Variants in PPP1R13L observed in about 807,000 individuals in gnomAD.
The protein encoded by PPP1R13L is protein phosphatase 1 regulatory subunit 13 like.
In PPP1R13L, 50 loss-of-function variants were observed where a neutral mutation model predicts 80.9. That is an observed-to-expected ratio of 0.62 (90% CI 0.49 to 0.78). The LOEUF (loss-of-function observed/expected upper bound fraction) is 0.78, where lower values mean the gene tolerates loss of function less well. Among genes scored for constraint, PPP1R13L ranks in the 30% least tolerant of loss-of-function variants. PPP1R13L has a pLI of 0.00. For synonymous variants in PPP1R13L, 602 were observed against 534.3 expected (o/e 1.13, Z -1.75); for missense variants, 1,200 against 1,205.9 (o/e 1.00, Z 0.07).
Position 45,391,895 on chromosome 19 carries a change from C to CTCTGGTG in PPP1R13L, c.1793_1799dup (p.Glu600AspfsTer146). 1 of 1,484,864 alleles carries CTCTGGTG rather than the reference C, an allele frequency of 6.7e-7. No individual in the cohort carries two copies. Among genetic ancestry groups the CTCTGGTG allele is most frequent in the Non-Finnish European group, 8.9e-7 (1 of 1,121,516 alleles). 92.0% of individuals were successfully genotyped at this position (1,484,864 alleles called of 1,614,324 possible). Reference sequence around the variant, plus strand: ...TATTACTTACCATGCTCTGCGGCTGCTCTGGTGGGCTGCTCTGGGACGGGG... The same window carrying CTCTGGTG: ...TATTACTTACCATGCTCTGCGGCTGCTCTGGTGTCTGGTGGGCTGCTCTGGGACGGGG... On this transcript the variant is annotated frameshift_variant, in exon 8 of 13. Transcript: ENST00000360957. LOFTEE classifies it high-confidence loss of function.
rs1488351275 is a variant in PPP1R13L, at chr19:45,392,478, C to T, written c.1355-138G>A. 3.1e-5 allele frequency: 27 copies of T among 870,984 alleles called. No homozygotes were observed. In the Admixed American group the frequency reaches 4.0e-4, roughly 13 times the overall value. 54.0% of individuals were successfully genotyped at this position (870,984 alleles called of 1,614,324 possible). On this transcript the variant is annotated intron_variant, in intron 7 of 12. Transcript: ENST00000360957. ...GAAGTTCCTTGCCCTCTCTGGGCTA[C>T]ACTTTCCTTGGGCTGTGAATAATAT...
intron 11 of PPP1R13L, among the ~76,000 whole-genome samples, chr19:45,383,292 C>CTT (rs1568553288): frequency 8.7e-5 from 10 of 114,308 alleles, no homozygotes; most frequent in African/African-American, 4.1e-4. Flanking sequence ...CCGCGCCCGG[C>CTT]CTTTTTTTTT....
At position 45,379,959 on chromosome 19, in the gene PPP1R13L, C is replaced by T. The variant is rs759631053; in HGVS notation, c.*231G>A. 1 of 458,474 alleles carries T rather than the reference C, an allele frequency of 2.2e-6. No individual in the cohort carries two copies. The highest frequency in any genetic ancestry group is 2.0e-5 in the African/African-American group (1 of 49,978). The allele number at this position is 458,474 out of a possible 1,614,324, so 28.4% of individuals were successfully genotyped here. Reference sequence around the variant, plus strand: ...GGCAAAAGGAAGTGGTTTCCTGTCCCCAGTGATTTCCAGCCCTTCCCAGAC... The same window carrying T: ...GGCAAAAGGAAGTGGTTTCCTGTCCTCAGTGATTTCCAGCCCTTCCCAGAC... On this transcript the variant is annotated 3_prime_UTR_variant, in exon 13 of 13. Coordinates refer to ENST00000360957, the MANE Select transcript of PPP1R13L (RefSeq NM_006663.4).
At chr19:45,393,854 C>A (rs1006589726) in intron 7 of PPP1R13L, among the ~76,000 whole-genome samples, 1 of 151,678 alleles carries the variant, frequency 6.6e-6, no homozygotes, top group Admixed American at 6.6e-5. Flanking sequence ...GAAGAAAGAG[C>A]GAGACTCTGT....
At chr19:45,385,780 TCCGCCCACGGGG>T in intron 10 of PPP1R13L, 32 bp downstream of exon 10, 2 of 1,607,708 alleles carry the variant, frequency 1.2e-6, no homozygotes. Context: ...AGGCTGCGCG[TCCGCCCACGGGG>T]GACCCAGCCC....
At chr19:45,385,525 C>G (rs368397668) in intron 11 of PPP1R13L, 37 bp downstream of exon 11, 1 of 1,579,384 alleles carries the variant, frequency 6.3e-7, no homozygotes, top group African/African-American at 1.3e-5. Flanking sequence ...CCTGCGCACC[C>G]GCCAGGTACC....
chr19:45,403,800 C>T (rs1286006686), intron 1 of PPP1R13L, among the ~76,000 whole-genome samples: 2 of 152,152 alleles, frequency 1.3e-5, no homozygotes, highest in African/African-American at 4.8e-5. Context: ...TCATCAGATG[C>T]TCGCCTCCCC....
chr19:45,395,163 C>A, intron 7 of PPP1R13L: 1 of 473,350 alleles, frequency 2.1e-6, no homozygotes, highest in Non-Finnish European at 3.8e-6. Context: ...CCCTTTTACA[C>A]TCAAGAAAAT....
In PPP1R13L at chr19:45,396,811, G is replaced by A; in HGVS notation, c.446C>T (p.Ala149Val). The change falls in exon 4 of 13, where the codon GCA becomes GTA. Residue 149 changes from alanine to valine, a missense_variant. Ala to Val is a moderately conservative substitution (Grantham distance 64). This residue lies in a region of PPP1R13L where 764 missense variants were observed against 714.5 expected (regional missense o/e 1.07). Transcript: ENST00000360957. The surrounding 1 kb of genome is among the most constrained non-coding windows in gnomAD (Gnocchi z 5.3). Reference sequence around the variant, plus strand: ...GGGCGCACGGCCGAGGGAGCTGCCTGCGCCATCGAAGGCGCGGGGCCGGGG... The same window carrying A: ...GGGCGCACGGCCGAGGGAGCTGCCTACGCCATCGAAGGCGCGGGGCCGGGG... ...TSPRPRAFDG[A>V]GSSLGRAPSP... 7.0e-7 allele frequency: 1 copy of A among 1,435,926 alleles called. No homozygotes were observed. The highest frequency in any genetic ancestry group is 1.4e-5 in the South Asian group (1 of 70,060). 88.9% of individuals were successfully genotyped at this position (1,435,926 alleles called of 1,614,324 possible). A position where few individuals can be genotyped will look rare whatever the true frequency, so the allele number is the denominator to read the frequency against.
chr19:45,392,561 C>A, intron 7 of PPP1R13L: 1 of 651,742 alleles, frequency 1.5e-6, no homozygotes. Flanking sequence ...GCTTTACATG[C>A]CTACCTTATT....
At chr19:45,393,155 CTGCA>C (rs1229590727) in intron 7 of PPP1R13L, 2 of 151,732 alleles carry the variant, frequency 1.3e-5, no homozygotes, top group African/African-American at 4.9e-5. Context: ...CACTGCACCA[CTGCA>C]CTCCAGCCTG....
At chr19:45,385,796 C>T (rs892634170) in intron 10 of PPP1R13L, 28 bp downstream of exon 10, 11 of 1,609,300 alleles carry the variant, frequency 6.8e-6, no homozygotes, top group Admixed American at 1.7e-5. Flanking sequence ...CACGGGGGAC[C>T]CAGCCCACCG....
chr19:45,396,782 G>A lies in PPP1R13L; in HGVS notation c.475C>T (p.Pro159Ser). 4 of 1,358,558 alleles carry A rather than the reference G, an allele frequency of 2.9e-6. No homozygotes were observed. Among genetic ancestry groups the A allele is most frequent in the Non-Finnish European group, 3.8e-6 (4 of 1,065,804 alleles). The allele number at this position is 1,358,558 out of a possible 1,614,324, so 84.2% of individuals were successfully genotyped here. A position where few individuals can be genotyped will look rare whatever the true frequency, so the allele number is the denominator to read the frequency against. ...AGSSLGRAPS[P>S]RPGPGPLRQQ... ...CGGAGCGGGCCTGGCCCGGGCCGCG[G>A]GGAGGGCGCACGGCCGAGGGAGCTG... Residue 159 changes from proline (P) to serine (S), a missense_variant, in exon 4 of 13, where the codon CCG (proline) becomes TCG (serine). Pro to Ser is a moderately conservative substitution (Grantham distance 74). Around this residue, in one of 5 missense-constraint regions of PPP1R13L, gnomAD observed 764 missense variants for 714.5 expected, o/e 1.07. Transcript: ENST00000360957. This position sits in a 1 kb window ranked among gnomAD's most constrained non-coding sequence, Gnocchi z 5.3.
intron 8 of PPP1R13L, among the ~76,000 whole-genome samples, chr19:45,390,177 G>C (rs535934360): frequency 6.6e-6 from 1 of 152,046 alleles, no homozygotes; most frequent in Non-Finnish European, 1.5e-5. Flanking sequence ...TGCAACCTCC[G>C]CCTTCCGGGT....
At chr19:45,389,525 C>A (rs890077756) in intron 8 of PPP1R13L, among the ~76,000 whole-genome samples, 1 of 152,050 alleles carries the variant, frequency 6.6e-6, no homozygotes, top group African/African-American at 2.4e-5. Context: ...TGTATTTAAT[C>A]TTGGCGGGGT....
Position 45,399,428 on chromosome 19 carries a change from T to G in PPP1R13L, c.-21-1089A>C, listed in dbSNP as rs1020497938. ...TCACGAGGTCAGGAGAGCGAGACCA[T>G]CCTGGCTAACATGGTGAAACCCCGT... On this transcript the variant is annotated intron_variant, in intron 1 of 12. Coordinates refer to ENST00000360957, the MANE Select transcript of PPP1R13L (RefSeq NM_006663.4). Among the ~76,000 whole-genome samples the G allele has an allele frequency of 4.9e-5, 7 of 143,986 alleles. No individual in the cohort carries two copies. The South Asian group carries it at 6.8e-4, about 14-fold the overall frequency. The allele number at this position is 143,986 out of a possible 152,430, so 94.5% of individuals were successfully genotyped here. A position where few individuals can be genotyped will look rare whatever the true frequency, so the allele number is the denominator to read the frequency against.
At position 45,385,933 on chromosome 19, in the gene PPP1R13L, C is replaced by T; in HGVS notation, c.1972G>A (p.Glu658Lys). ...TTGTGCAAGGCAGTGATGCCCTCCT[C>T]GTTGGGCTGGCTCGGGTCGTTCATC... Reference protein sequence around the residue: ...KEMNDPSQPNEEGITALHNAI... With the variant: ...KEMNDPSQPNKEGITALHNAI... The change falls in exon 10 of 13, where the codon GAG becomes AAG. Residue 658 changes from glutamate (E) to lysine (K), a missense_variant. Coordinates refer to ENST00000360957, the MANE Select transcript of PPP1R13L (RefSeq NM_006663.4). The T allele has an allele frequency of 1.2e-6, 2 of 1,612,472 alleles. No individual in the cohort carries two copies. The highest frequency in any genetic ancestry group is 1.7e-6 in the Non-Finnish European group (2 of 1,179,436).
intron 12 of PPP1R13L, among the ~76,000 whole-genome samples, chr19:45,382,143 G>A (rs960292327): frequency 6.6e-6 from 1 of 151,580 alleles, no homozygotes; most frequent in Non-Finnish European, 1.5e-5. Context: ...AGGAGAACTG[G>A]TTGAGCCCGG....
In PPP1R13L at chr19:45,392,026, GCCC is replaced by G; in HGVS notation, c.1666_1668del (p.Gly556del). 3 of 1,542,606 alleles carry G rather than the reference GCCC, an allele frequency of 1.9e-6. No homozygotes were observed. The highest frequency in any genetic ancestry group is 2.5e-5 in the South Asian group (2 of 79,368). On this transcript the variant is annotated inframe_deletion, in exon 8 of 13. Transcript: ENST00000360957. Reference sequence around the variant, plus strand: ...TCTGGCTCCGGCCCCCCGGGCCCTGGCCCCCCATGACGATGGAAGAGGCGGCTG... The same window carrying G: ...TCTGGCTCCGGCCCCCCGGGCCCTGGCCCATGACGATGGAAGAGGCGGCTG...
Sources: allele counts gnomAD v4.1 joint callset (sites outside exome capture counted in the v4.1 genomes callset), GRCh38; gene constraint gnomAD v4.1.1; regional missense constraint gnomAD v4.1.1; non-coding constraint Gnocchi (gnomAD v3.1); transcripts MANE v1.5; gene names NCBI Gene and HGNC (gene_info 2026-07-23, HGNC 2026-07-21).